Variants in HECW2 observed in about 807,000 individuals in gnomAD.
HECW2 encodes E3 ubiquitin-protein ligase HECW2.
Under a neutral mutation model 175.2 loss-of-function variants are expected in HECW2, and 61 were observed. The ratio of observed to expected loss-of-function variants is 0.35; its 90% CI spans 0.28 to 0.43. HECW2 has a LOEUF of 0.43. Ranked by LOEUF, HECW2 falls within the 20% of genes least tolerant of loss-of-function variation. HECW2 has a pLI of 1.00. For synonymous variants in HECW2, 671 were observed against 731.0 expected (o/e 0.92, Z 1.32); for missense variants, 1,524 against 2,000.5 (o/e 0.76, Z 4.54).
At chr2:196,267,483 G>A (rs1470185699) in intron 17 of HECW2, among the ~76,000 whole-genome samples, 1 of 151,754 alleles carries the variant, frequency 6.6e-6, no homozygotes, top group African/African-American at 2.4e-5. Flanking sequence ...TGGTACTGAC[G>A]TTTGGAAGCT....
intron 2 of HECW2, among the ~76,000 whole-genome samples, chr2:196,431,261 T>G (rs140250427): frequency 9.8e-4 from 149 of 152,252 alleles, no homozygotes; most frequent in Non-Finnish European, 4.6e-4. Flanking sequence ...TATAACAACA[T>G]CAAGATTTTG....
At chr2:196,430,809 A>G (rs533528002) in intron 2 of HECW2, among the ~76,000 whole-genome samples, 14 of 152,308 alleles carry the variant, frequency 9.2e-5, no homozygotes, top group African/African-American at 3.1e-4. Flanking sequence ...ACAACATGAA[A>G]TGATTCTAAC....
intron 1 of HECW2, among the ~76,000 whole-genome samples, chr2:196,484,285 C>T (rs1417696034): frequency 6.6e-6 from 1 of 152,216 alleles, no homozygotes; most frequent in Non-Finnish European, 1.5e-5. Context: ...ATTGATTCCA[C>T]TCAGCTCAGT....
At chr2:196,571,795 G>T (rs937626307) in intron 1 of HECW2, among the ~76,000 whole-genome samples, 21 of 152,046 alleles carry the variant, frequency 1.4e-4, no homozygotes, top group Non-Finnish European at 2.8e-4. Flanking sequence ...ACACCCAAAA[G>T]AATTGAAAGC....
At chr2:196,239,133 T>C (rs908716372) in intron 21 of HECW2, 1 of 152,264 alleles carries the variant, frequency 6.6e-6, no homozygotes, top group African/African-American at 2.4e-5. Flanking sequence ...AAGTGAGAAG[T>C]CCACTTATGC....
chr2:196,509,310 C>T (rs1193034105), intron 1 of HECW2, among the ~76,000 whole-genome samples: 1 of 152,152 alleles, frequency 6.6e-6, no homozygotes, highest in African/African-American at 2.4e-5. Flanking sequence ...TGTAAGCCTC[C>T]ATGTGTTCAG....
Position 196,222,303 on chromosome 2 carries a change from C to G in HECW2, c.4054G>C (p.Glu1352Gln). The G allele has an allele frequency of 1.2e-6, 2 of 1,613,046 alleles. No individual in the cohort carries two copies. The highest frequency in any genetic ancestry group is 1.7e-6 in the Non-Finnish European group (2 of 1,179,164). Reference sequence around the variant, plus strand: ...ATCCACTGCAGGCTCTGATGGAACTCTTCATCAAGGTATTCTAGGTCACTC... The same window carrying G: ...ATCCACTGCAGGCTCTGATGGAACTGTTCATCAAGGTATTCTAGGTCACTC... ...DLSDLEYLDE[E>Q]FHQSLQWMKD... The change falls in exon 24 of 29, where the codon GAG becomes CAG. Residue 1352 changes from glutamate (E) to glutamine (Q), a missense_variant. Transcript: ENST00000644978.
intron 17 of HECW2, chr2:196,263,202 C>G (rs1689376773): frequency 6.6e-6 from 1 of 152,164 alleles, no homozygotes; most frequent in Admixed American, 6.5e-5. Flanking sequence ...GCGACAAACT[C>G]AGGAAAAAGT....
chr2:196,395,762 A>G (rs1694643900), intron 2 of HECW2, among the ~76,000 whole-genome samples: 1 of 152,062 alleles, frequency 6.6e-6, no homozygotes, highest in African/African-American at 2.4e-5. Context: ...AGAAACTGGA[A>G]TCCTTGTGCA....
chr2:196,496,728 T>C (rs1342729193), intron 1 of HECW2, among the ~76,000 whole-genome samples: 3 of 152,216 alleles, frequency 2.0e-5, no homozygotes, highest in Non-Finnish European at 2.9e-5. Flanking sequence ...AGGTATGAAA[T>C]ACTATATAAC....
At chr2:196,554,080 T>C (rs1391398678) in intron 1 of HECW2, among the ~76,000 whole-genome samples, 1 of 152,198 alleles carries the variant, frequency 6.6e-6, no homozygotes, top group African/African-American at 2.4e-5. Flanking sequence ...GGCTCACGCC[T>C]GTAATCCCAG....
chr2:196,515,432 C>G (rs886076930), intron 1 of HECW2, among the ~76,000 whole-genome samples: 1 of 152,214 alleles, frequency 6.6e-6, no homozygotes, highest in Non-Finnish European at 1.5e-5. Flanking sequence ...AAGCAACACC[C>G]TAACGATCTC....
intron 1 of HECW2, among the ~76,000 whole-genome samples, chr2:196,563,904 A>G (rs1253101554): frequency 6.6e-6 from 1 of 152,218 alleles, no homozygotes; most frequent in East Asian, 1.9e-4. Context: ...ATCACCTATG[A>G]ATGCCTAGAA....
intron 17 of HECW2, among the ~76,000 whole-genome samples, chr2:196,265,754 T>C (rs1689488873): frequency 6.6e-6 from 1 of 152,208 alleles, no homozygotes; most frequent in East Asian, 1.9e-4. Flanking sequence ...ATATATTATT[T>C]CATTTAATCT....
intron 15 of HECW2, among the ~76,000 whole-genome samples, chr2:196,274,491 A>G (rs1007169510): frequency 6.6e-6 from 1 of 152,214 alleles, no homozygotes. Context: ...ACACAATCAA[A>G]GGGAAGACTG....
At chr2:196,288,588 A>ATAAG (rs1187227964) in intron 14 of HECW2, 1 of 152,230 alleles carries the variant, frequency 6.6e-6, no homozygotes, top group Non-Finnish European at 1.5e-5. Context: ...TATATCCCTT[A>ATAAG]TAAGTCATCA....
chr2:196,401,625 T>C (rs1414578846), intron 2 of HECW2, among the ~76,000 whole-genome samples: 2 of 152,246 alleles, frequency 1.3e-5, no homozygotes, highest in Non-Finnish European at 2.9e-5. Context: ...AGGTGACATA[T>C]ACCTTTCACA....
intron 15 of HECW2, 141 bp downstream of exon 15, chr2:196,278,387 G>T (rs62184599): frequency 3.2e-5 from 28 of 881,114 alleles, no homozygotes; most frequent in Non-Finnish European, 4.1e-5. Flanking sequence ...GTCAACATTC[G>T]AAAGCTTTTC....
intron 28 of HECW2, among the ~76,000 whole-genome samples, chr2:196,207,923 G>A (rs182843892): frequency 6.6e-6 from 1 of 152,192 alleles, no homozygotes; most frequent in African/African-American, 2.4e-5. Context: ...TATGCATTCT[G>A]AGCAGGTACC....
Sources: gnomAD v4.1 joint callset for allele counts (sites outside exome capture counted in the v4.1 genomes callset) on GRCh38, gnomAD v4.1.1 for gene constraint, MANE v1.5 for transcripts, NCBI Gene and HGNC (gene_info 2026-07-23, HGNC 2026-07-21) for gene names.